The following TJP3 variants were observed in gnomAD, a reference collection of about 807,000 sequenced individuals.
TJP3 encodes tight junction protein 3, also known as tight junction protein ZO-3.
In TJP3, 85 loss-of-function variants were observed where a neutral mutation model predicts 104.2. The ratio of observed to expected loss-of-function variants is 0.82; its 90% CI spans 0.68 to 0.98. The LOEUF is 0.98. TJP3 is among the 50% of genes least tolerant of loss of function. TJP3 has a pLI of 0.00. For synonymous variants in TJP3, 550 were observed against 550.6 expected (o/e 1.00, Z 0.02); for missense variants, 1,367 against 1,322.8 (o/e 1.03, Z -0.52).
chr19:3,726,136 G>GGGA, intron 1 of TJP3, among the ~76,000 whole-genome samples: 1 of 152,360 alleles, frequency 6.6e-6, no homozygotes, highest in Non-Finnish European at 1.5e-5. Context: ...ACCCGCCCCG[G>GGGA]GGAGGAGGAG....
Position 3,743,748 on chromosome 19 carries a change from T to C in TJP3, c.1844-191T>C, listed in dbSNP as rs564549412. 84 of 560,280 alleles carry C rather than the reference T, an allele frequency of 1.5e-4. No homozygotes were observed. The African/African-American group carries it at 1.5e-3, about 10-fold the overall frequency. 34.7% of individuals were successfully genotyped at this position (560,280 alleles called of 1,614,324 possible). On this transcript the variant is annotated intron_variant, in intron 14 of 20. Coordinates refer to ENST00000541714, the MANE Select transcript of TJP3 (RefSeq NM_001267560.2). The stretch of plus-strand genomic sequence containing the variant: ...ACACATCAATTCTGCTAGTGTTCCA[T>C]TGGCCATTATTTGGTCATAAGGCTA...
chr19:3,720,277 CTG>C (rs1198304821), intron 1 of TJP3, among the ~76,000 whole-genome samples: 1 of 152,150 alleles, frequency 6.6e-6, no homozygotes, highest in Non-Finnish European at 1.5e-5. Flanking sequence ...GAGGGGCTGA[CTG>C]TAGCTGACTT....
chr19:3,733,076 C>T (rs888884201), intron 6 of TJP3, among the ~76,000 whole-genome samples: 13 of 151,094 alleles, frequency 8.6e-5, no homozygotes, highest in Non-Finnish European at 1.8e-4. Flanking sequence ...CGCTCTGTCA[C>T]CCAGGCTGGA....
intron 8 of TJP3, 63 bp downstream of exon 8, chr19:3,734,498 G>C: frequency 2.1e-6 from 3 of 1,439,244 alleles, no homozygotes; most frequent in Non-Finnish European, 2.8e-6. Context: ...AGGGAGAGGG[G>C]AACGCGGGCG....
chr19:3,745,946 A>T, intron 15 of TJP3, 65 bp from the exon 16 acceptor site: 2 of 1,351,152 alleles, frequency 1.5e-6, no homozygotes, highest in Non-Finnish European at 2.1e-6. Flanking sequence ...AGGGGCAGGT[A>T]GGCATGAATT....
intron 1 of TJP3, among the ~76,000 whole-genome samples, chr19:3,726,130 GC>G (rs1200702232): frequency 1.3e-5 from 2 of 152,228 alleles, no homozygotes; most frequent in Admixed American, 6.5e-5. Context: ...TAGAAAACCC[GC>G]CCCGGGGAGG....
chr19:3,735,670 T>C, intron 9 of TJP3, 31 bp downstream of exon 9: 1 of 1,613,274 alleles, frequency 6.2e-7, no homozygotes, highest in Non-Finnish European at 8.5e-7. Flanking sequence ...CCCCTGTCCC[T>C]GACATTTCTG....
Position 3,730,488 on chromosome 19 carries a change from G to A in TJP3, c.395G>A (p.Gly132Asp). Residue 132 changes from glycine to aspartate, a missense_variant, in exon 5 of 21, where the codon GGC (glycine) becomes GAC (aspartate). By Grantham distance (94) the Gly-to-Asp change is moderately conservative. Coordinates refer to ENST00000541714, the MANE Select transcript of TJP3 (RefSeq NM_001267560.2). This position sits in a 1 kb window ranked among gnomAD's most constrained non-coding sequence, Gnocchi z 7.3. Reference protein sequence around the residue: ...EEVDQGRGYDGDSSSGSGRSW... With the variant: ...EEVDQGRGYDDDSSSGSGRSW... ...GTGGACCAGGGCCGGGGCTATGACG[G>A]CGACTCATCCAGTGGCTCCGGCCGC... The A allele has an allele frequency of 6.3e-7, 1 of 1,585,180 alleles. No homozygotes were observed. Among genetic ancestry groups the A allele is most frequent in the South Asian group, 1.1e-5 (1 of 88,678 alleles).
At chr19:3,734,277 C>T in intron 7 of TJP3, 50 bp from the exon 8 acceptor site, 1 of 1,583,024 alleles carries the variant, frequency 6.3e-7, no homozygotes, top group Admixed American at 1.7e-5. Flanking sequence ...AAAATGGGTC[C>T]AGTCCAGAAG....
Position 3,734,451 on chromosome 19 carries a change from C to A in TJP3, c.986+16C>A. 6.3e-7 allele frequency: 1 copy of A among 1,589,212 alleles called. No individual in the cohort carries two copies. Among genetic ancestry groups the A allele is most frequent in the South Asian group, 1.1e-5 (1 of 88,286 alleles). On this transcript the variant is annotated intron_variant, in intron 8 of 20. Transcript: ENST00000541714. ...ACTCTCCCGTGTAAGTATCACCCAT[C>A]GGCCAGAATGGTGATAGGGAGGGAG...
At chr19:3,720,810 C>A (rs2036533759) in intron 1 of TJP3, among the ~76,000 whole-genome samples, 1 of 151,848 alleles carries the variant, frequency 6.6e-6, no homozygotes, top group Non-Finnish European at 1.5e-5. Flanking sequence ...TACTCCCTCC[C>A]AGAGCCTGAA....
In TJP3 at chr19:3,711,901, G is replaced by A. The variant is rs565716184; in HGVS notation, c.-10+3340G>A. 3.3e-5 allele frequency among the ~76,000 whole-genome samples: 5 copies of A among 152,046 alleles called. No individual in the cohort carries two copies. The East Asian group carries it at 7.8e-4, about 24-fold the overall frequency. ...GGGTTTTGCTGTGTTGGCCGGCCTG[G>A]TCTCGAGCTTCTGGGCTCAAGTGAT... is the stretch of plus-strand genomic sequence containing the variant. On this transcript the variant is annotated intron_variant, in intron 1 of 20. Transcript: ENST00000541714.
At chr19:3,737,873 AT>A (rs1453109502) in intron 11 of TJP3, among the ~76,000 whole-genome samples, 1 of 151,986 alleles carries the variant, frequency 6.6e-6, no homozygotes, top group East Asian at 1.9e-4. Context: ...GTGCAAGTAT[AT>A]TGCTGTCCCT....
At position 3,740,746 on chromosome 19, in the gene TJP3, G is replaced by A. The variant is rs776012616; in HGVS notation, c.1826G>A (p.Arg609Gln). ...TRQGRYPPYE[R>Q]VVLREASFKR... ...CAGGGCCGCTACCCGCCCTACGAAC[G>A]AGTGGTGTTGCGAGAAGGTGGGGCC... The change falls in exon 14 of 21, where the codon CGA (arginine) becomes CAA (glutamine). Residue 609 changes from arginine (R) to glutamine (Q), a missense_variant. Transcript: ENST00000541714. 4.0e-5 allele frequency: 63 copies of A among 1,584,308 alleles called. No homozygotes were observed. The highest frequency in any genetic ancestry group is 5.1e-5 in the Non-Finnish European group (59 of 1,166,252).
chr19:3,716,801 A>ATATT lies in TJP3; in HGVS notation c.-10+8241_-10+8242insATTT, dbSNP rs1421328174. Among the ~76,000 whole-genome samples, 115 of 81,932 alleles carry ATATT rather than the reference A, an allele frequency of 1.4e-3. 3 individuals carry two copies. The highest frequency in any genetic ancestry group is 4.9e-3 in the African/African-American group (101 of 20,418). 53.8% of individuals were successfully genotyped at this position (81,932 alleles called of 152,430 possible). On this transcript the variant is annotated intron_variant, in intron 1 of 20. Coordinates refer to ENST00000541714, the MANE Select transcript of TJP3 (RefSeq NM_001267560.2). Reference sequence around the variant, plus strand: ...CATACATATATATATATATATATATATTTTTTTTTTTTTTTTGAAACAGAG... The same window carrying ATATT: ...CATACATATATATATATATATATATATATTTTTTTTTTTTTTTTTTGAAACAGAG...
At chr19:3,744,059 C>T in intron 15 of TJP3, 25 bp downstream of exon 15, 1 of 1,605,202 alleles carries the variant, frequency 6.2e-7, no homozygotes, top group Non-Finnish European at 8.5e-7. Flanking sequence ...CCTCTGGAAA[C>T]CTCGTTGGTG....
Position 3,732,259 on chromosome 19 carries a change from T to TG in TJP3, c.717+225dup, listed in dbSNP as rs140768848. On this transcript the variant is annotated intron_variant, in intron 6 of 20. Transcript: ENST00000541714. ...CAAATGTCGGTTTCTAGTATCCCCA[T>TG]GGGGTTGTCTGTTTCTAATACCCTC... 5.0e-3 allele frequency among the ~76,000 whole-genome samples: 765 copies of TG among 152,164 alleles called. 5 individuals are homozygous for TG. Among genetic ancestry groups the TG allele is most frequent in the African/African-American group, 0.017 (722 of 41,502 alleles).
chr19:3,747,684 C>G, intron 18 of TJP3, 110 bp from the exon 19 acceptor site: 2 of 1,348,442 alleles, frequency 1.5e-6, no homozygotes, highest in East Asian at 2.5e-5. Context: ...GCTCCAGGCT[C>G]CAGGCTCCTC....
chr19:3,721,947 C>A, intron 1 of TJP3: 2 of 375,916 alleles, frequency 5.3e-6, no homozygotes, highest in Non-Finnish European at 8.5e-6. Context: ...GGGAGGGGCT[C>A]GGGCTGAGGT....
Sources: allele counts gnomAD v4.1 joint callset (sites outside exome capture counted in the v4.1 genomes callset), GRCh38; gene constraint gnomAD v4.1.1; non-coding constraint Gnocchi (gnomAD v3.1); transcripts MANE v1.5; gene names NCBI Gene and HGNC (gene_info 2026-07-23, HGNC 2026-07-21).